The following FAM13B variants were observed in gnomAD, a reference collection of about 807,000 sequenced individuals.
FAM13B encodes family with sequence similarity 13 member B.
In FAM13B, 60 loss-of-function variants were observed where a neutral mutation model predicts 117.3. That is an observed-to-expected ratio of 0.51 (90% confidence interval 0.42 to 0.63). The LOEUF (loss-of-function observed/expected upper bound fraction) is 0.63, where lower values mean the gene tolerates loss of function less well. Ranked by LOEUF, FAM13B falls within the 30% of genes least tolerant of loss-of-function variation. The probability of loss-of-function intolerance (pLI) is 0.00; values close to 1 mark genes in which losing one functional copy is unlikely to be tolerated. For missense variants in FAM13B, 972 were observed against 1,091.9 expected, an observed-to-expected ratio of 0.89 and a Z score of 1.55; for synonymous variants, 332 against 356.1, an observed-to-expected ratio of 0.93 and a Z score of 0.76.
At chr5:137,940,999 G>A (rs780519113) in intron 23 of FAM13B, among the ~76,000 whole-genome samples, 14 of 152,078 alleles carry the variant, frequency 9.2e-5, no homozygotes, top group African/African-American at 2.7e-4. Context: ...TCCGCCTCCC[G>A]GATTCACGCC....
At chr5:137,968,103 T>A (rs1393475668) in intron 10 of FAM13B, among the ~76,000 whole-genome samples, 1 of 150,680 alleles carries the variant, frequency 6.6e-6, no homozygotes, top group East Asian at 2.0e-4. Context: ...GTGCCTATAA[T>A]CCCAGCTACT....
intron 10 of FAM13B, among the ~76,000 whole-genome samples, chr5:137,975,587 CCTGT>C (rs2150447581): frequency 6.6e-6 from 1 of 152,266 alleles, no homozygotes; most frequent in East Asian, 1.9e-4. Context: ...AAACCCAATT[CCTGT>C]CTCCTCACCC....
At chr5:137,954,017 A>T (rs2150225373) in intron 15 of FAM13B, 149 bp downstream of exon 15, 1 of 625,508 alleles carries the variant, frequency 1.6e-6, no homozygotes, top group African/African-American at 1.9e-5. Context: ...TCTGAATTCT[A>T]TGTCTAGAAG....
intron 13 of FAM13B, among the ~76,000 whole-genome samples, chr5:137,959,230 A>C (rs12518393): frequency 0.74 from 112,301 of 152,142 alleles, 42,111 homozygotes; most frequent in East Asian, 0.97. Context: ...GATGATACTA[A>C]GGACAAGGTA....
Position 137,943,119 on chromosome 5 carries a change from C to A in FAM13B, c.2424+14G>T. ...TAGGGAAGGGATCAGATAATTATTT[C>A]TTTAAAGGATTACCTTGATTTCTTC... is the stretch of plus-strand genomic sequence containing the variant. On this transcript the variant is annotated intron_variant, in intron 21 of 23. Coordinates refer to ENST00000689681, the MANE Select transcript of FAM13B (RefSeq NM_001385994.1). 1 of 1,613,630 alleles carries A rather than the reference C, an allele frequency of 6.2e-7. No individual in the cohort carries two copies. The highest frequency in any genetic ancestry group is 8.5e-7 in the Non-Finnish European group (1 of 1,179,618).
intron 10 of FAM13B, among the ~76,000 whole-genome samples, chr5:137,972,410 A>C (rs1263784857): frequency 2.0e-5 from 3 of 151,992 alleles, no homozygotes; most frequent in Non-Finnish European, 4.4e-5. Flanking sequence ...AAATTCAACA[A>C]CCTTCATGCT....
intron 7 of FAM13B, among the ~76,000 whole-genome samples, chr5:137,997,837 T>C (rs941576982): frequency 6.6e-6 from 1 of 152,216 alleles, no homozygotes; most frequent in Non-Finnish European, 1.5e-5. Flanking sequence ...AGAAGTACCT[T>C]CATACTGTAT....
chr5:137,967,345 G>A (rs1438099423), intron 10 of FAM13B, among the ~76,000 whole-genome samples: 1 of 152,100 alleles, frequency 6.6e-6, no homozygotes, highest in East Asian at 1.9e-4. Flanking sequence ...CCAAGATGGT[G>A]AAACCCGGTC....
intron 10 of FAM13B, among the ~76,000 whole-genome samples, chr5:137,973,157 C>T (rs1366196445): frequency 6.6e-6 from 1 of 152,178 alleles, no homozygotes; most frequent in Non-Finnish European, 1.5e-5. Context: ...CCAAGTCAAT[C>T]CTGAGCCAAA....
chr5:137,969,522 G>C (rs1771328206), intron 10 of FAM13B, among the ~76,000 whole-genome samples: 1 of 152,208 alleles, frequency 6.6e-6, no homozygotes, highest in African/African-American at 2.4e-5. Flanking sequence ...AAACAGAGCA[G>C]AAAAACTGGA....
intron 7 of FAM13B, among the ~76,000 whole-genome samples, chr5:137,998,124 C>G (rs1215914432): frequency 3.9e-5 from 6 of 152,214 alleles, no homozygotes; most frequent in African/African-American, 1.4e-4. Flanking sequence ...TAAAGTGGAG[C>G]ACTCTGAACC....
Position 137,939,994 on chromosome 5 carries a change from G to A in FAM13B, c.*231C>T, listed in dbSNP as rs1286917487. The A allele has an allele frequency of 3.2e-6, 5 of 1,580,704 alleles. No individual in the cohort carries two copies. The African/African-American group carries it at 4.1e-5, about 13-fold the overall frequency. On this transcript the variant is annotated 3_prime_UTR_variant, in exon 24 of 24. Transcript: ENST00000689681. ...AAACAATGAAGTAAACCATATGTTT[G>A]CTAAAGGTGGAGAGGACAGTCTGTG...
rs531642402 is a variant in FAM13B, at chr5:138,032,815, G to C, written c.-236C>G. 1 of 985,756 alleles carries C rather than the reference G, an allele frequency of 1.0e-6. No individual in the cohort carries two copies. The highest frequency in any genetic ancestry group is 4.7e-5 in the South Asian group (1 of 21,294). 61.1% of individuals were successfully genotyped at this position (985,756 alleles called of 1,614,324 possible). A position where few individuals can be genotyped will look rare whatever the true frequency, so the allele number is the denominator to read the frequency against. ...CCGCGATGCCCCGTTCCCTGGCCGC[G>C]GCCGCTTCTCCAGGACCCGCGGCGA... On this transcript the variant is annotated 5_prime_UTR_variant, in exon 1 of 24. Transcript: ENST00000689681.
At chr5:137,962,607 A>G in intron 10 of FAM13B, 138 bp from the exon 11 acceptor site, 1 of 654,756 alleles carries the variant, frequency 1.5e-6, no homozygotes, top group Non-Finnish European at 2.6e-6. Flanking sequence ...AGTCTGTAGT[A>G]CTTAGCATCT....
chr5:138,009,853 T>A (rs1783530303), intron 6 of FAM13B, among the ~76,000 whole-genome samples: 1 of 150,988 alleles, frequency 6.6e-6, no homozygotes, highest in African/African-American at 2.4e-5. Flanking sequence ...TTATTGTGGT[T>A]GATTAATAAA....
At chr5:137,989,624 A>C (rs1417062962) in intron 7 of FAM13B, among the ~76,000 whole-genome samples, 1 of 152,142 alleles carries the variant, frequency 6.6e-6, no homozygotes, top group African/African-American at 2.4e-5. Flanking sequence ...CAGGAATTCA[A>C]GACCAGCCTG....
chr5:137,974,892 G>T (rs905007091), intron 10 of FAM13B, among the ~76,000 whole-genome samples: 16 of 152,044 alleles, frequency 1.1e-4, no homozygotes, highest in African/African-American at 3.9e-4. Flanking sequence ...GTGGGTAGAA[G>T]GGAGAATCAA....
chr5:137,958,468 A>G (rs1470539922), intron 13 of FAM13B, among the ~76,000 whole-genome samples: 1 of 151,982 alleles, frequency 6.6e-6, no homozygotes, highest in Non-Finnish European at 1.5e-5. Context: ...AACAAGACCC[A>G]CACACACTCC....
At chr5:137,976,788 T>C (rs988994792) in intron 10 of FAM13B, among the ~76,000 whole-genome samples, 200 of 152,290 alleles carry the variant, frequency 1.3e-3, no homozygotes, top group African/African-American at 4.6e-3. Context: ...CTTAATCCCA[T>C]CATTTTTGTA....
Sources: allele counts gnomAD v4.1 joint callset (sites outside exome capture counted in the v4.1 genomes callset), GRCh38; gene constraint gnomAD v4.1.1; transcripts MANE v1.5; gene names NCBI Gene and HGNC (gene_info 2026-07-23, HGNC 2026-07-21).